The following KLHDC10 variants were observed in gnomAD, a reference collection of about 807,000 sequenced individuals.
KLHDC10 encodes kelch domain-containing protein 10.
KLHDC10 carries 24 observed loss-of-function variants against 56.1 expected under a neutral mutation model. The observed-to-expected ratio is 0.43, with a 90% CI of 0.31 to 0.60. KLHDC10 has a LOEUF of 0.60. Among genes scored for constraint, KLHDC10 ranks in the 20% least tolerant of loss-of-function variants. KLHDC10 has a pLI of 0.11. For synonymous variants in KLHDC10, 188 were observed against 207.1 expected, an observed-to-expected ratio of 0.91 and a Z score of 0.79; for missense variants, 349 against 567.0, an observed-to-expected ratio of 0.62 and a Z score of 3.91.
At chr7:130,114,239 T>C (rs186346585) in intron 2 of KLHDC10, among the ~76,000 whole-genome samples, 1 of 152,306 alleles carries the variant, frequency 6.6e-6, no homozygotes, top group South Asian at 2.1e-4. Flanking sequence ...AAAAACAAAC[T>C]GACAAAATGC....
intron 2 of KLHDC10, among the ~76,000 whole-genome samples, chr7:130,104,885 C>A (rs1795987971): frequency 6.6e-6 from 1 of 152,158 alleles, no homozygotes; most frequent in South Asian, 2.1e-4. Context: ...CCCACCATGC[C>A]CCATCTCCAA....
At chr7:130,097,548 G>A (rs1323363254) in intron 2 of KLHDC10, among the ~76,000 whole-genome samples, 1 of 152,048 alleles carries the variant, frequency 6.6e-6, no homozygotes, top group Non-Finnish European at 1.5e-5. Flanking sequence ...AGAATTACCA[G>A]TTTGTTAAAA....
chr7:130,097,415 A>G (rs1268856776), intron 2 of KLHDC10, among the ~76,000 whole-genome samples: 3 of 152,160 alleles, frequency 2.0e-5, no homozygotes, highest in African/African-American at 7.2e-5. Context: ...GTCAAATGTC[A>G]TATATTAAAA....
intron 1 of KLHDC10, among the ~76,000 whole-genome samples, chr7:130,091,199 C>G (rs1417642693): frequency 6.6e-6 from 1 of 151,994 alleles, no homozygotes; most frequent in Non-Finnish European, 1.5e-5. Flanking sequence ...GGGTAAATGG[C>G]CAAGAATGTA....
intron 1 of KLHDC10, among the ~76,000 whole-genome samples, chr7:130,077,113 G>A (rs1291722373): frequency 6.6e-6 from 1 of 152,012 alleles, no homozygotes; most frequent in Non-Finnish European, 1.5e-5. Flanking sequence ...CCAACACTTT[G>A]GGATGCTGAG....
intron 3 of KLHDC10, among the ~76,000 whole-genome samples, chr7:130,117,334 G>C (rs1159982850): frequency 6.6e-6 from 1 of 152,122 alleles, no homozygotes; most frequent in Non-Finnish European, 1.5e-5. Flanking sequence ...CAGCATTGAA[G>C]TTTGCTGCAT....
chr7:130,070,535 C>G lies in KLHDC10; in HGVS notation c.-109C>G. The G allele has an allele frequency of 1.8e-6, 2 of 1,081,422 alleles. No individual in the cohort carries two copies. The highest frequency in any genetic ancestry group is 2.4e-6 in the Non-Finnish European group (2 of 846,374). The allele number at this position is 1,081,422 out of a possible 1,614,324, so 67.0% of individuals were successfully genotyped here. ...TGGTCTCTGGTGGGACCGGGCGCTGCCCCCTTCCCCTGTCTCCTGGGTCTC... is the reference window on the plus strand; with the variant it reads ...TGGTCTCTGGTGGGACCGGGCGCTGGCCCCTTCCCCTGTCTCCTGGGTCTC... On this transcript the variant is annotated 5_prime_UTR_variant, in exon 1 of 10. Coordinates refer to ENST00000335420, the MANE Select transcript of KLHDC10 (RefSeq NM_014997.4).
intron 1 of KLHDC10, among the ~76,000 whole-genome samples, chr7:130,080,182 T>G (rs1795583959): frequency 6.6e-6 from 1 of 152,110 alleles, no homozygotes; most frequent in Non-Finnish European, 1.5e-5. Context: ...CCTCCAGTCA[T>G]CCTCTCACCT....
At chr7:130,088,629 TTTTC>T (rs538858281) in intron 1 of KLHDC10, among the ~76,000 whole-genome samples, 60 of 151,050 alleles carry the variant, frequency 4.0e-4, no homozygotes, top group Middle Eastern at 6.8e-3. Flanking sequence ...TTGTTTTTCT[TTTTC>T]TTTCTTTCTT....
intron 2 of KLHDC10, among the ~76,000 whole-genome samples, chr7:130,115,968 TTGTG>T (rs1796161877): frequency 2.6e-5 from 4 of 152,166 alleles, no homozygotes; most frequent in Admixed American, 6.5e-5. Flanking sequence ...ATCATAGATT[TTGTG>T]TGTGTGTATT....
At chr7:130,101,293 GTTTT>G (rs1795925799) in intron 2 of KLHDC10, among the ~76,000 whole-genome samples, 1 of 152,172 alleles carries the variant, frequency 6.6e-6, no homozygotes, top group African/African-American at 2.4e-5. Flanking sequence ...AATGCCAGAA[GTTTT>G]TAGAAATTTT....
At chr7:130,113,909 G>A (rs1451642440) in intron 2 of KLHDC10, among the ~76,000 whole-genome samples, 1 of 152,142 alleles carries the variant, frequency 6.6e-6, no homozygotes, top group Non-Finnish European at 1.5e-5. Flanking sequence ...GCTGAACATA[G>A]CAACTCTGTT....
chr7:130,070,938 G>T, intron 1 of KLHDC10, 129 bp downstream of exon 1: 1 of 570,966 alleles, frequency 1.8e-6, no homozygotes, highest in Non-Finnish European at 2.6e-6. Context: ...AGGGACTGGG[G>T]ATCAGAGAAA....
intron 1 of KLHDC10, among the ~76,000 whole-genome samples, chr7:130,081,479 C>T (rs1176998775): frequency 6.6e-6 from 1 of 151,952 alleles, no homozygotes; most frequent in Admixed American, 6.6e-5. Context: ...CTGCCACGCC[C>T]CACTAATTTT....
intron 5 of KLHDC10, among the ~76,000 whole-genome samples, chr7:130,123,099 C>T (rs756710617): frequency 4.6e-5 from 7 of 152,128 alleles, no homozygotes; most frequent in African/African-American, 1.7e-4. Context: ...ACTCAAACAT[C>T]GCATGGTTCT....
Position 130,116,006 on chromosome 7 carries a change from T to C in KLHDC10, c.254-439T>C, listed in dbSNP as rs1584635608. ...TTTTTATTTATACATGACTCATTCA[T>C]ATTCGTGATTATATTTATTTAGTTC... On this transcript the variant is annotated intron_variant, in intron 2 of 9. Transcript: ENST00000335420. This position sits in a 1 kb window ranked among gnomAD's most constrained non-coding sequence, Gnocchi z 4.8. Among the ~76,000 whole-genome samples, 1 of 152,204 alleles carries C rather than the reference T, an allele frequency of 6.6e-6. No homozygotes were observed. The highest frequency in any genetic ancestry group is 1.9e-4 in the East Asian group (1 of 5,202).
At position 130,089,885 on chromosome 7, in the gene KLHDC10, A is replaced by AT. The variant is rs879275733; in HGVS notation, c.167-7023dup. On this transcript the variant is annotated intron_variant, in intron 1 of 9. Coordinates refer to ENST00000335420, the MANE Select transcript of KLHDC10 (RefSeq NM_014997.4). ...CATTTTCTCTGATTCAATAGTTTTCATTTTTTTTTTTTTGAGATGGAGTTT... is the reference window on the plus strand; with the variant it reads ...CATTTTCTCTGATTCAATAGTTTTCATTTTTTTTTTTTTTGAGATGGAGTTT... 2.5e-3 allele frequency among the ~76,000 whole-genome samples: 361 copies of AT among 145,266 alleles called. 1 individual carries two copies. The highest frequency in any genetic ancestry group is 7.0e-3 in the Middle Eastern group (2 of 284).
chr7:130,120,676 A>G lies in KLHDC10; in HGVS notation c.476-73A>G. On this transcript the variant is annotated intron_variant, in intron 3 of 9. Transcript: ENST00000335420. This position sits in a 1 kb window ranked among gnomAD's most constrained non-coding sequence, Gnocchi z 5.1. ...AAAGCAGATATGTGTAGCTTCTCAG[A>G]TATTCTGGGTTTATGTGGGAACAAA... 6.6e-7 allele frequency: 1 copy of G among 1,510,240 alleles called. No individual in the cohort carries two copies. Among genetic ancestry groups the G allele is most frequent in the Non-Finnish European group, 9.1e-7 (1 of 1,096,026 alleles). 93.6% of individuals were successfully genotyped at this position (1,510,240 alleles called of 1,614,324 possible).
In KLHDC10 at chr7:130,109,126, C is replaced by T. The variant is rs1196331441; in HGVS notation, c.254-7319C>T. ...TTCACCGTGTTGACCAGGCTGGTCTCGAACTCCTAATCTCAAGTGATCCAC... is the reference window on the plus strand; with the variant it reads ...TTCACCGTGTTGACCAGGCTGGTCTTGAACTCCTAATCTCAAGTGATCCAC... On this transcript the variant is annotated intron_variant, in intron 2 of 9. Transcript: ENST00000335420. 4.0e-5 allele frequency among the ~76,000 whole-genome samples: 6 copies of T among 151,806 alleles called. No homozygotes were observed. The East Asian group carries it at 9.7e-4, about 24-fold the overall frequency.
Sources: allele counts gnomAD v4.1 joint callset (sites outside exome capture counted in the v4.1 genomes callset), GRCh38; gene constraint gnomAD v4.1.1; non-coding constraint Gnocchi (gnomAD v3.1); transcripts MANE v1.5; gene names NCBI Gene and HGNC (gene_info 2026-07-23, HGNC 2026-07-21).